The following AGPAT4 variants were observed in gnomAD, a reference collection of about 807,000 sequenced individuals.
The protein encoded by AGPAT4 is 1-acylglycerol-3-phosphate O-acyltransferase 4, also known as 1-acyl-sn-glycerol-3-phosphate acyltransferase delta.
A neutral mutation model predicts 48.0 loss-of-function variants in AGPAT4; 15 were observed. The observed-to-expected ratio is 0.31, with a 90% CI of 0.21 to 0.48. The LOEUF (loss-of-function observed/expected upper bound fraction) is 0.48, where lower values mean the gene tolerates loss of function less well. AGPAT4 is among the 20% of genes least tolerant of loss of function. AGPAT4 has a pLI of 0.99. For missense variants in AGPAT4, 314 were observed against 482.5 expected (o/e 0.65, Z 3.27); for synonymous variants, 178 against 198.7 (o/e 0.90, Z 0.88).
At position 161,144,677 on chromosome 6, in the gene AGPAT4, C is replaced by T. The variant is rs368981436; in HGVS notation, c.843+1847G>A. Among the ~76,000 whole-genome samples the T allele has an allele frequency of 3.3e-5, 5 of 152,110 alleles. No individual in the cohort carries two copies. Among genetic ancestry groups the T allele is most frequent in the African/African-American group, 1.2e-4 (5 of 41,424 alleles). ...ACCTTTTCTTAGCATACTCTGCTTT[C>T]GGCTAAAAGTAACATTTTCGGCTGG... On this transcript the variant is annotated intron_variant, in intron 7 of 8. Coordinates refer to ENST00000320285, the MANE Select transcript of AGPAT4 (RefSeq NM_020133.3). The surrounding 1 kb of genome is among the most constrained non-coding windows in gnomAD (Gnocchi z 6.6).
chr6:161,211,290 T>A (rs901526645), intron 2 of AGPAT4, among the ~76,000 whole-genome samples: 1 of 152,162 alleles, frequency 6.6e-6, no homozygotes, highest in Non-Finnish European at 1.5e-5. Flanking sequence ...ATTTGGGTAT[T>A]TGCCAATAGA....
chr6:161,149,174 C>G lies in AGPAT4; in HGVS notation c.767+13G>C, dbSNP rs1447516256. On this transcript the variant is annotated intron_variant, in intron 6 of 8. Coordinates refer to ENST00000320285, the MANE Select transcript of AGPAT4 (RefSeq NM_020133.3). This position sits in a 1 kb window ranked among gnomAD's most constrained non-coding sequence, Gnocchi z 6.5. Reference sequence around the variant, plus strand: ...GGCACTGTCTTTTCTGGAAAGGAAACAGTTCGACTTACCTAACATACAAAT... The same window carrying G: ...GGCACTGTCTTTTCTGGAAAGGAAAGAGTTCGACTTACCTAACATACAAAT... The G allele has an allele frequency of 1.2e-6, 2 of 1,609,704 alleles. No individual in the cohort carries two copies. Among genetic ancestry groups the G allele is most frequent in the African/African-American group, 2.7e-5 (2 of 74,744 alleles).
rs1321755687 is a variant in AGPAT4, at chr6:161,136,535, C to G, written c.*5G>C. ...GTTCCCTTCGGATGGTGACACCTCCCTGAGTCAGTCATTCAGTTTCTGCTT... is the reference window on the plus strand; with the variant it reads ...GTTCCCTTCGGATGGTGACACCTCCGTGAGTCAGTCATTCAGTTTCTGCTT... On this transcript the variant is annotated 3_prime_UTR_variant, in exon 9 of 9. Coordinates refer to ENST00000320285, the MANE Select transcript of AGPAT4 (RefSeq NM_020133.3). 1 of 1,613,930 alleles carries G rather than the reference C, an allele frequency of 6.2e-7. No homozygotes were observed. The highest frequency in any genetic ancestry group is 2.2e-5 in the East Asian group (1 of 44,860).
rs552054050 is a variant in AGPAT4 at position 161,133,265 on chromosome 6, G to T, written c.*3275C>A. On this transcript the variant is annotated 3_prime_UTR_variant, in exon 9 of 9. Transcript: ENST00000320285. ...CACATCACTGTTACAAGTTGTGGCT[G>T]GACAATTAATGACATTTAAATCACT... 1 of 152,108 alleles carries T rather than the reference G, an allele frequency of 6.6e-6. No homozygotes were observed. Among genetic ancestry groups the T allele is most frequent in the Non-Finnish European group, 1.5e-5 (1 of 68,030 alleles). 9.4% of individuals were successfully genotyped at this position (152,108 alleles called of 1,614,324 possible).
intron 2 of AGPAT4, among the ~76,000 whole-genome samples, chr6:161,170,466 C>T (rs1346896879): frequency 1.1e-3 from 71 of 62,930 alleles, no homozygotes; most frequent in African/African-American, 2.7e-3. Flanking sequence ...TGCACACGTG[C>T]GCGCGCGCAC....
intron 5 of AGPAT4, among the ~76,000 whole-genome samples, chr6:161,150,693 C>T (rs1225607295): frequency 1.3e-5 from 2 of 152,148 alleles, no homozygotes; most frequent in African/African-American, 2.4e-5. Flanking sequence ...GGGCTGAAGG[C>T]GGGACTGTTC....
chr6:161,227,871 C>T (rs1299682640), intron 2 of AGPAT4, among the ~76,000 whole-genome samples: 1 of 63,904 alleles, frequency 1.6e-5, no homozygotes, highest in African/African-American at 6.5e-5. Context: ...GTGTGGGATG[C>T]GGTGGGGGTG....
rs1420048816 is a variant in AGPAT4 at position 161,206,294 on chromosome 6, T to C, written c.178+25742A>G. On this transcript the variant is annotated intron_variant, in intron 2 of 8. Transcript: ENST00000320285. This position sits in a 1 kb window ranked among gnomAD's most constrained non-coding sequence, Gnocchi z 4.8. ...GTGACCGATGTCATAGAAGGCTAAG[T>C]GGGGAGCTGGAACCTCCATCATTCT... Among the ~76,000 whole-genome samples, 1 of 152,080 alleles carries C rather than the reference T, an allele frequency of 6.6e-6. No homozygotes were observed. The highest frequency in any genetic ancestry group is 1.5e-5 in the Non-Finnish European group (1 of 68,006).
At chr6:161,248,611 C>A (rs923643142) in intron 1 of AGPAT4, among the ~76,000 whole-genome samples, 10 of 145,934 alleles carry the variant, frequency 6.9e-5, no homozygotes, top group Admixed American at 2.0e-4. Flanking sequence ...ATACAGCTAA[C>A]CAGGGAAGTG....
rs1374182759 is a variant in AGPAT4, at chr6:161,222,343, G to A, written c.178+9693C>T. ...CCAGTTTATAACATACATGATCATT[G>A]TGTAAAATATAAGACATCCAGATAA... On this transcript the variant is annotated intron_variant, in intron 2 of 8. Transcript: ENST00000320285. The surrounding 1 kb of genome is among the most constrained non-coding windows in gnomAD (Gnocchi z 5.9). Among the ~76,000 whole-genome samples, 1 of 152,012 alleles carries A rather than the reference G, an allele frequency of 6.6e-6. No individual in the cohort carries two copies. Among genetic ancestry groups the A allele is most frequent in the African/African-American group, 2.4e-5 (1 of 41,334 alleles).
At position 161,219,916 on chromosome 6, in the gene AGPAT4, C is replaced by CA. The variant is rs770490075; in HGVS notation, c.178+12119_178+12120insT. ...GCAGGCAGGCAGGCAGGCAGGCAGG[C>CA]GGCAGGCAGGCAGGCAGGCAGGCAG... is the stretch of plus-strand genomic sequence containing the variant. On this transcript the variant is annotated intron_variant, in intron 2 of 8. Transcript: ENST00000320285. This position sits in a 1 kb window ranked among gnomAD's most constrained non-coding sequence, Gnocchi z 4.9. 0.038 allele frequency among the ~76,000 whole-genome samples: 3,922 copies of CA among 104,254 alleles called. 135 individuals are homozygous for CA. Among genetic ancestry groups the CA allele is most frequent in the East Asian group, 0.14 (504 of 3,516 alleles). 68.4% of individuals were successfully genotyped at this position (104,254 alleles called of 152,430 possible). A position where few individuals can be genotyped will look rare whatever the true frequency, so the allele number is the denominator to read the frequency against.
chr6:161,211,644 T>C (rs1426694478), intron 2 of AGPAT4, among the ~76,000 whole-genome samples: 5 of 152,182 alleles, frequency 3.3e-5, no homozygotes, highest in Non-Finnish European at 7.4e-5. Flanking sequence ...AAAACGTTTA[T>C]ATGATCAAGT....
intron 7 of AGPAT4, among the ~76,000 whole-genome samples, chr6:161,145,146 A>G (rs1205022626): frequency 1.3e-5 from 2 of 151,654 alleles, no homozygotes; most frequent in Non-Finnish European, 2.9e-5. Flanking sequence ...CAGAACCTCG[A>G]TAACTTAGAA....
intron 2 of AGPAT4, among the ~76,000 whole-genome samples, chr6:161,203,245 G>C (rs1781282475): frequency 6.6e-6 from 1 of 152,140 alleles, no homozygotes; most frequent in South Asian, 2.1e-4. Flanking sequence ...GCCTAGGGCT[G>C]TGTCTTACTC....
intron 2 of AGPAT4, among the ~76,000 whole-genome samples, chr6:161,199,731 T>A (rs549897458): frequency 5.3e-5 from 8 of 152,130 alleles, no homozygotes; most frequent in Non-Finnish European, 1.2e-4. Flanking sequence ...GTGCAGCACC[T>A]CCCCCTTTAC....
chr6:161,133,116 C>A lies in AGPAT4; in HGVS notation c.*3424G>T, dbSNP rs977654916. The A allele has an allele frequency of 2.6e-5, 4 of 152,214 alleles. No individual in the cohort carries two copies. Among genetic ancestry groups the A allele is most frequent in the Admixed American group, 2.6e-4 (4 of 15,274 alleles). 9.4% of individuals were successfully genotyped at this position (152,214 alleles called of 1,614,324 possible). A position where few individuals can be genotyped will look rare whatever the true frequency, so the allele number is the denominator to read the frequency against. On this transcript the variant is annotated 3_prime_UTR_variant, in exon 9 of 9. Transcript: ENST00000320285. The stretch of plus-strand genomic sequence containing the variant: ...GACCCTAGAGAATCTTCACTGGATA[C>A]CTTGCTTCACACTTTGGTCAATATT...
intron 1 of AGPAT4, among the ~76,000 whole-genome samples, chr6:161,271,565 T>C (rs887588836): frequency 3.9e-5 from 6 of 152,208 alleles, no homozygotes; most frequent in African/African-American, 1.4e-4. Context: ...GCCTCTTCCA[T>C]GGGACCCTAC....
At chr6:161,185,033 T>C (rs780176390) in intron 2 of AGPAT4, among the ~76,000 whole-genome samples, 4 of 151,166 alleles carry the variant, frequency 2.6e-5, no homozygotes, top group Non-Finnish European at 5.9e-5. Context: ...AAAAAAGAGG[T>C]TGGGTGGAGC....
chr6:161,201,605 C>T lies in AGPAT4; in HGVS notation c.178+30431G>A, dbSNP rs879472994. ...GCAGGGCTTCTCAAACTCTAATGTG[C>T]ATTTGCATCATTGCAACTTGTTACA... On this transcript the variant is annotated intron_variant, in intron 2 of 8. Transcript: ENST00000320285. This position sits in a 1 kb window ranked among gnomAD's most constrained non-coding sequence, Gnocchi z 6.0. Among the ~76,000 whole-genome samples the T allele has an allele frequency of 2.6e-5, 4 of 152,214 alleles. No homozygotes were observed. Among genetic ancestry groups the T allele is most frequent in the Non-Finnish European group, 4.4e-5 (3 of 68,048 alleles).
Sources: allele counts gnomAD v4.1 joint callset (sites outside exome capture counted in the v4.1 genomes callset), GRCh38; gene constraint gnomAD v4.1.1; non-coding constraint Gnocchi (gnomAD v3.1); transcripts MANE v1.5; gene names NCBI Gene and HGNC (gene_info 2026-07-23, HGNC 2026-07-21).